The following ANXA8 variants were observed in gnomAD, a reference collection of about 807,000 sequenced individuals.
ANXA8 encodes annexin A8.
In ANXA8, 9 loss-of-function variants were observed where a neutral mutation model predicts 26.8. That is an observed-to-expected ratio of 0.34 (90% CI 0.20 to 0.59). The LOEUF (loss-of-function observed/expected upper bound fraction) is 0.59. Among genes scored for constraint, ANXA8 ranks in the 20% least tolerant of loss-of-function variants. The probability of loss-of-function intolerance (pLI) is 0.84; values close to 1 mark genes in which losing one functional copy is unlikely to be tolerated. For synonymous variants in ANXA8, 39 were observed against 94.8 expected (o/e 0.41, Z 3.42); for missense variants, 83 against 238.5 (o/e 0.35, Z 4.29).
At chr10:47,696,728 G>A in the ANXA8 span, among the ~76,000 whole-genome samples, 352 of 142,300 alleles carry the variant, frequency 2.5e-3, 5 homozygotes, top group African/African-American at 8.5e-3. Context: ...ATCATGTTTC[G>A]TTTTCTTAGG....
At chr10:47,626,947 C>A in the ANXA8 span, among the ~76,000 whole-genome samples, 1 of 149,504 alleles carries the variant, frequency 6.7e-6, no homozygotes, top group Non-Finnish European at 1.5e-5. Flanking sequence ...AATAGAATAA[C>A]GAAATTCCCT....
upstream of ANXA8, chr10:47,487,527 A>G: frequency 4.1e-6 from 2 of 482,838 alleles, no homozygotes; most frequent in Non-Finnish European, 7.1e-6. Context: ...GATGGGACCA[A>G]GGGCAGCAGG....
the ANXA8 span, among the ~76,000 whole-genome samples, chr10:47,501,047 C>G: frequency 3.5e-5 from 5 of 144,694 alleles, no homozygotes; most frequent in African/African-American, 1.3e-4. Flanking sequence ...GTGCCCGCCA[C>G]CACACCTGGC....
the ANXA8 span, among the ~76,000 whole-genome samples, chr10:47,655,332 C>T: frequency 1.3e-4 from 20 of 148,844 alleles, no homozygotes; most frequent in Admixed American, 2.7e-4. Context: ...GGATTTTTCA[C>T]GGCTGTGGTA....
chr10:47,560,791 T>C, the ANXA8 span, among the ~76,000 whole-genome samples: 1 of 152,078 alleles, frequency 6.6e-6, no homozygotes, highest in Non-Finnish European at 1.5e-5. Flanking sequence ...TTGAATAATT[T>C]GAAAAGCACA....
chr10:47,652,804 ACT>A, the ANXA8 span, among the ~76,000 whole-genome samples: 1 of 145,712 alleles, frequency 6.9e-6, no homozygotes, highest in Admixed American at 6.7e-5. Context: ...GAAAGAGAAT[ACT>A]CTGTTCTACC....
chr10:47,736,890 A>G, the ANXA8 span, among the ~76,000 whole-genome samples: 1 of 151,450 alleles, frequency 6.6e-6, no homozygotes, highest in Non-Finnish European at 1.5e-5. Flanking sequence ...TCTGGCCTCA[A>G]GTGATCTGCC....
the ANXA8 span, among the ~76,000 whole-genome samples, chr10:47,951,733 C>A: frequency 7.3e-6 from 1 of 137,194 alleles, no homozygotes; most frequent in Non-Finnish European, 1.5e-5. Context: ...ATCACTTGAA[C>A]CTGGGAGGTG....
At chr10:47,656,362 C>G in the ANXA8 span, among the ~76,000 whole-genome samples, 2 of 150,726 alleles carry the variant, frequency 1.3e-5, no homozygotes, top group Non-Finnish European at 2.9e-5. Flanking sequence ...TGTGCCACTG[C>G]GCTCCAACCT....
At chr10:47,639,009 T>G in the ANXA8 span, among the ~76,000 whole-genome samples, 646 of 150,454 alleles carry the variant, frequency 4.3e-3, 9 homozygotes, top group Non-Finnish European at 6.0e-3. Context: ...ATATTATGAA[T>G]TCATTTCCAA....
the ANXA8 span, among the ~76,000 whole-genome samples, chr10:47,681,296 G>A: frequency 6.6e-6 from 1 of 151,668 alleles, no homozygotes; most frequent in Non-Finnish European, 1.5e-5. Context: ...TTGGGATAGT[G>A]GAGTTGTTAT....
the ANXA8 span, chr10:47,581,661 C>T: frequency 2.7e-6 from 1 of 372,300 alleles, no homozygotes; most frequent in Admixed American, 3.3e-5. Flanking sequence ...GGCTGGAGTG[C>T]AGTGGCACGA....
the ANXA8 span, among the ~76,000 whole-genome samples, chr10:47,647,716 AT>A: frequency 1.1e-4 from 17 of 149,172 alleles, no homozygotes; most frequent in Non-Finnish European, 2.4e-4. Context: ...TATATATAAT[AT>A]ATATTGCGAA....
At chr10:47,487,760 G>A (rs1451401228), upstream of ANXA8, among the ~76,000 whole-genome samples, 4 of 144,104 alleles carry the variant, frequency 2.8e-5, no homozygotes, top group African/African-American at 1.0e-4. Flanking sequence ...TTTTCTTTTG[G>A]CTTGGTTTAT....
the ANXA8 span, among the ~76,000 whole-genome samples, chr10:47,956,637 C>T: frequency 1.3e-5 from 2 of 150,966 alleles, no homozygotes. Context: ...CTGGCGTTCC[C>T]AGTCTCTCTG....
chr10:47,901,892 A>G, the ANXA8 span, among the ~76,000 whole-genome samples: 1 of 151,136 alleles, frequency 6.6e-6, no homozygotes, highest in East Asian at 1.9e-4. Context: ...TTGGATATGA[A>G]CCGGACATTT....
chr10:47,506,333 CTTT>C, the ANXA8 span, among the ~76,000 whole-genome samples: 3 of 137,734 alleles, frequency 2.2e-5, no homozygotes, highest in Non-Finnish European at 4.7e-5. Context: ...CTTATTGCTT[CTTT>C]TTCTCTTTTT....
At chr10:47,774,239 C>T in the ANXA8 span, among the ~76,000 whole-genome samples, 1 of 151,110 alleles carries the variant, frequency 6.6e-6, no homozygotes, top group Non-Finnish European at 1.5e-5. Context: ...CATTGGGGAC[C>T]CCCTCCTATC....
At chr10:47,690,441 A>G in the ANXA8 span, 1 of 963,010 alleles carries the variant, frequency 1.0e-6, no homozygotes, top group Non-Finnish European at 1.6e-6. Flanking sequence ...TCTCAGTATA[A>G]TTACCTCCAG....
Sources: allele counts gnomAD v4.1 joint callset (sites outside exome capture counted in the v4.1 genomes callset), GRCh38; gene constraint gnomAD v4.1.1; transcripts MANE v1.5; gene names NCBI Gene and HGNC (gene_info 2026-07-23, HGNC 2026-07-21).